SPRED3: variants seen among roughly 807,000 people sequenced by gnomAD.
SPRED3 encodes the protein sprouty related EVH1 domain containing 3.
SPRED3 carries 23 observed loss-of-function variants against 37.6 expected under a neutral mutation model. The observed-to-expected ratio is 0.61, with a 90% CI of 0.44 to 0.87. The LOEUF is 0.87. SPRED3 is among the 40% of genes least tolerant of loss of function. The pLI is 0.00. For synonymous variants in SPRED3, 302 were observed against 279.6 expected, an observed-to-expected ratio of 1.08 and a Z score of -0.80; for missense variants, 584 against 618.6, an observed-to-expected ratio of 0.94 and a Z score of 0.59.
At chr19:38,393,344 C>CTTTTTTTTT (rs74176441) in intron 4 of SPRED3, among the ~76,000 whole-genome samples, 11 of 121,124 alleles carry the variant, frequency 9.1e-5, no homozygotes, top group East Asian at 7.8e-4. Context: ...ATACTATTAT[C>CTTTTTTTTT]TTTTTTTTTT....
chr19:38,394,811 CT>C (rs1304243731), intron 5 of SPRED3, 25 bp downstream of exon 5: 8 of 1,528,932 alleles, frequency 5.2e-6, no homozygotes, highest in Admixed American at 4.2e-5. Context: ...CCTGGGGCTC[CT>C]GGGGGAATGG....
chr19:38,395,456 T>C lies in SPRED3; in HGVS notation c.568-24T>C. 1 of 1,417,026 alleles carries C rather than the reference T, an allele frequency of 7.1e-7. No individual in the cohort carries two copies. The allele number at this position is 1,417,026 out of a possible 1,614,324, so 87.8% of individuals were successfully genotyped here. A position where few individuals can be genotyped will look rare whatever the true frequency, so the allele number is the denominator to read the frequency against. ...AGGCTAAGACTGGGATGGATTCTGA[T>C]CTGTTTGTCCCTTCGTTCCGCAGAG... On this transcript the variant is annotated intron_variant, in intron 5 of 5. Coordinates refer to ENST00000691638, the MANE Select transcript of SPRED3 (RefSeq NM_001394336.1). The surrounding 1 kb of genome is among the most constrained non-coding windows in gnomAD (Gnocchi z 5.2).
Position 38,390,417 on chromosome 19 carries a change from C to A in SPRED3, c.115C>A (p.Pro39Thr). 1 of 1,392,486 alleles carries A rather than the reference C, an allele frequency of 7.2e-7. No individual in the cohort carries two copies. The highest frequency in any genetic ancestry group is 9.3e-7 in the Non-Finnish European group (1 of 1,070,886). 86.3% of individuals were successfully genotyped at this position (1,392,486 alleles called of 1,614,324 possible). The change falls in exon 2 of 6, where the codon CCC becomes ACC. Residue 39 changes from proline to threonine, a missense_variant. Around this residue, in one of 7 missense-constraint regions of SPRED3, gnomAD observed 88 missense variants for 77.0 expected, o/e 1.14. Coordinates refer to ENST00000691638, the MANE Select transcript of SPRED3 (RefSeq NM_001394336.1). ...VSVCRVRGAR[P>T]EGGARQGHYV... ...CGTGTGTCGGGTCCGAGGGGCCAGG[C>A]CCGAGGGGGGGGCCCGCCAGGGGCA...
intron 2 of SPRED3, 95 bp downstream of exon 2, chr19:38,390,574 C>G (rs1022288417): frequency 9.6e-7 from 1 of 1,046,856 alleles, no homozygotes; most frequent in Non-Finnish European, 1.3e-6. Context: ...GCCTCCCAGC[C>G]TAGGAATCAA....
At chr19:38,390,029 G>A (rs1970808214) in intron 1 of SPRED3, 6 of 340,322 alleles carry the variant, frequency 1.8e-5, no homozygotes, top group African/African-American at 1.3e-4. Flanking sequence ...TGGGGACGGA[G>A]AGATGGGGGA....
At chr19:38,391,341 A>T (rs1040491455) in intron 2 of SPRED3, among the ~76,000 whole-genome samples, 1 of 135,186 alleles carries the variant, frequency 7.4e-6, no homozygotes, top group Non-Finnish European at 1.7e-5. Context: ...AAAAAAAAAA[A>T]GAGAGAGAGA....
rs770870676 is a variant in SPRED3, at chr19:38,394,722, C to G, written c.503C>G (p.Thr168Arg). The change falls in exon 5 of 6, where the codon ACG (threonine) becomes AGG (arginine). Residue 168 changes from threonine (T) to arginine (R), a missense_variant. Thr to Arg is a moderately conservative substitution (Grantham distance 71). Around this residue, in one of 7 missense-constraint regions of SPRED3, gnomAD observed 310 missense variants for 281.1 expected, o/e 1.10. Coordinates refer to ENST00000691638, the MANE Select transcript of SPRED3 (RefSeq NM_001394336.1). Reference protein sequence around the residue: ...PPSAAAAPIITMESASGFGPT... With the variant: ...PPSAAAAPIIRMESASGFGPT... Reference sequence around the variant, plus strand: ...AGCGCCGCTGCGGCCCCCATCATCACGATGGAGTCAGCTTCAGGCTTCGGG... The same window carrying G: ...AGCGCCGCTGCGGCCCCCATCATCAGGATGGAGTCAGCTTCAGGCTTCGGG... The G allele has an allele frequency of 1.9e-6, 3 of 1,592,914 alleles. No individual in the cohort carries two copies. Among genetic ancestry groups the G allele is most frequent in the South Asian group, 1.1e-5 (1 of 88,076 alleles).
intron 2 of SPRED3, 33 bp from the exon 3 acceptor site, chr19:38,391,913 G>T (rs777737209): frequency 7.5e-6 from 12 of 1,609,342 alleles, no homozygotes. Flanking sequence ...TCTGGGTTGG[G>T]GTATCTGACC....
At position 38,393,460 on chromosome 19, in the gene SPRED3, G is replaced by C. The variant is rs1189903606; in HGVS notation, c.423+1172G>C. On this transcript the variant is annotated intron_variant, in intron 4 of 5. Transcript: ENST00000691638. ...CCTCCCAGGTTCAAGGGATTCTTCT[G>C]CCTCAGTCTCCCAAACAGCTGGGAT... 2.7e-5 allele frequency among the ~76,000 whole-genome samples: 4 copies of C among 146,750 alleles called. No homozygotes were observed. The South Asian group carries it at 8.5e-4, about 31-fold the overall frequency.
chr19:38,392,816 C>G (rs1483333191), intron 4 of SPRED3, among the ~76,000 whole-genome samples: 1 of 152,100 alleles, frequency 6.6e-6, no homozygotes, highest in African/African-American at 2.4e-5. Flanking sequence ...CTGGTACCAT[C>G]CAAACTCATC....
chr19:38,395,831 A>G lies in SPRED3; in HGVS notation c.919A>G (p.Arg307Gly). The G allele has an allele frequency of 1.4e-6, 2 of 1,467,104 alleles. No homozygotes were observed. Among genetic ancestry groups the G allele is most frequent in the South Asian group, 1.3e-5 (1 of 76,338 alleles). The allele number at this position is 1,467,104 out of a possible 1,614,324, so 90.9% of individuals were successfully genotyped here. A position where few individuals can be genotyped will look rare whatever the true frequency, so the allele number is the denominator to read the frequency against. The change falls in exon 6 of 6, where the codon AGA becomes GGA. Residue 307 changes from arginine to glycine, a missense_variant. Arg to Gly is a moderately radical substitution (Grantham distance 125). Around this residue, in one of 7 missense-constraint regions of SPRED3, gnomAD observed 67 missense variants for 57.4 expected, o/e 1.17. Coordinates refer to ENST00000691638, the MANE Select transcript of SPRED3 (RefSeq NM_001394336.1). This position sits in a 1 kb window ranked among gnomAD's most constrained non-coding sequence, Gnocchi z 5.2. ...GCATTGCCGCGCGCTCTTCCGTCGCAGAGCAGACGGGCGTGGCGGCCGCTG... is the reference window on the plus strand; with the variant it reads ...GCATTGCCGCGCGCTCTTCCGTCGCGGAGCAGACGGGCGTGGCGGCCGCTG... ...CVHCRALFRR[R>G]ADGRGGRCAE... is the part of the protein sequence containing the mutation.
Position 38,392,446 on chromosome 19 carries a change from C to A in SPRED3, c.423+158C>A, listed in dbSNP as rs961390345. 1.1e-5 allele frequency: 9 copies of A among 789,000 alleles called. No homozygotes were observed. In the Admixed American group the frequency reaches 2.0e-4, roughly 17 times the overall value. The allele number at this position is 789,000 out of a possible 1,614,324, so 48.9% of individuals were successfully genotyped here. A position where few individuals can be genotyped will look rare whatever the true frequency, so the allele number is the denominator to read the frequency against. ...GAGTGTCAATTCAATCCCAGTTATT[C>A]TAGTCTTTCTGCCCTGTCATGATTC... On this transcript the variant is annotated intron_variant, in intron 4 of 5. Transcript: ENST00000691638.
intron 5 of SPRED3, 45 bp downstream of exon 5, chr19:38,394,831 A>C (rs759982813): frequency 3.1e-5 from 46 of 1,492,102 alleles, no homozygotes; most frequent in Admixed American, 1.2e-4. Flanking sequence ...GGGGCGGTGC[A>C]CTCGGGGCCC....
In SPRED3 at chr19:38,395,591, G is replaced by T. The variant is rs1417722573; in HGVS notation, c.679G>T (p.Gly227Trp). The T allele has an allele frequency of 2.6e-6, 4 of 1,551,024 alleles. No homozygotes were observed. Among genetic ancestry groups the T allele is most frequent in the Non-Finnish European group, 3.5e-6 (4 of 1,153,100 alleles). ...CGGCTACGAGGATTACCGGCGCTCCGGGCCACCCGCGCCCCTCGCCCTGTC... is the reference window on the plus strand; with the variant it reads ...CGGCTACGAGGATTACCGGCGCTCCTGGCCACCCGCGCCCCTCGCCCTGTC... ...GRGYEDYRRSGPPAPLALSTC... is the reference protein window; with the variant it reads ...GRGYEDYRRSWPPAPLALSTC... Residue 227 changes from glycine (G) to tryptophan (W), a missense_variant, in exon 6 of 6, where the codon GGG becomes TGG. Gly to Trp is a radical substitution (Grantham distance 184, BLOSUM62 -2). Coordinates refer to ENST00000691638, the MANE Select transcript of SPRED3 (RefSeq NM_001394336.1). This position sits in a 1 kb window ranked among gnomAD's most constrained non-coding sequence, Gnocchi z 5.2.
intron 4 of SPRED3, among the ~76,000 whole-genome samples, chr19:38,394,011 C>G (rs891356717): frequency 3.3e-5 from 5 of 152,226 alleles, no homozygotes; most frequent in African/African-American, 1.2e-4. Flanking sequence ...GGAATCTGCA[C>G]AGTGGTCTTC....
rs1466577452 is a variant in SPRED3, at chr19:38,398,851, A to C, written c.*2706A>C. ...GGATAGGTCCTCTGTCTCTTCCTTT[A>C]AATTATTAACTATTTATTACATCCG... On this transcript the variant is annotated 3_prime_UTR_variant, in exon 6 of 6. Transcript: ENST00000691638. 6.6e-6 allele frequency: 1 copy of C among 152,100 alleles called. No individual in the cohort carries two copies. The highest frequency in any genetic ancestry group is 1.5e-5 in the Non-Finnish European group (1 of 68,020). The allele number at this position is 152,100 out of a possible 1,614,324, so 9.4% of individuals were successfully genotyped here. A position where few individuals can be genotyped will look rare whatever the true frequency, so the allele number is the denominator to read the frequency against.
chr19:38,395,761 G>T lies in SPRED3; in HGVS notation c.849G>T (p.Ala283=), dbSNP rs1054003101. 2.7e-6 allele frequency: 4 copies of T among 1,458,506 alleles called. No individual in the cohort carries two copies. The highest frequency in any genetic ancestry group is 5.9e-5 in the East Asian group (2 of 33,760). The allele number at this position is 1,458,506 out of a possible 1,614,324, so 90.3% of individuals were successfully genotyped here. The part of the protein sequence containing the change: ...RPPPGPGPSS[A]PAKASPEAEE... ...CCCCCGGCCCGGGCCCATCCTCTGC[G>T]CCTGCCAAGGCCTCCCCGGAAGCGG... Residue 283 remains alanine (A), a synonymous_variant, in exon 6 of 6, where the codon GCG becomes GCT. Transcript: ENST00000691638. The surrounding 1 kb of genome is among the most constrained non-coding windows in gnomAD (Gnocchi z 5.2).
chr19:38,390,404 C>A lies in SPRED3; in HGVS notation c.102C>A (p.Val34=), dbSNP rs760216720. The A allele has an allele frequency of 2.9e-6, 4 of 1,390,938 alleles. No homozygotes were observed. The East Asian group carries it at 1.1e-4, about 39-fold the overall frequency. 86.2% of individuals were successfully genotyped at this position (1,390,938 alleles called of 1,614,324 possible). The stretch of plus-strand genomic sequence containing the variant: ...TCAGCCAGGTGAGCGTGTGTCGGGT[C>A]CGAGGGGCCAGGCCCGAGGGGGGGG... ...GGLSQVSVCR[V]RGARPEGGAR... The change falls in exon 2 of 6, where the codon GTC becomes GTA. Residue 34 remains valine (V), a synonymous_variant. Transcript: ENST00000691638.
Position 38,398,477 on chromosome 19 carries a change from C to T in SPRED3, c.*2332C>T, listed in dbSNP as rs1338106649. The T allele has an allele frequency of 6.6e-6, 1 of 152,062 alleles. No individual in the cohort carries two copies. The highest frequency in any genetic ancestry group is 2.4e-5 in the African/African-American group (1 of 41,360). 9.4% of individuals were successfully genotyped at this position (152,062 alleles called of 1,614,324 possible). Reference sequence around the variant, plus strand: ...GGTCTCAAACTCCTGACCTCATGATCCACCTGCCTCAGCCTCCCAAAGTGC... The same window carrying T: ...GGTCTCAAACTCCTGACCTCATGATTCACCTGCCTCAGCCTCCCAAAGTGC... On this transcript the variant is annotated 3_prime_UTR_variant, in exon 6 of 6. Transcript: ENST00000691638.
Sources: allele counts gnomAD v4.1 joint callset (sites outside exome capture counted in the v4.1 genomes callset), GRCh38; gene constraint gnomAD v4.1.1; regional missense constraint gnomAD v4.1.1; non-coding constraint Gnocchi (gnomAD v3.1); transcripts MANE v1.5; gene names NCBI Gene and HGNC (gene_info 2026-07-23, HGNC 2026-07-21).